WWC2: variants seen among roughly 807,000 people sequenced by gnomAD.
The protein encoded by WWC2 is WW and C2 domain containing 2, also known as protein WWC2.
In WWC2, 101 loss-of-function variants were observed where a neutral mutation model predicts 138.5. That is an observed-to-expected ratio of 0.73 (90% CI 0.62 to 0.86). The LOEUF (loss-of-function observed/expected upper bound fraction) is 0.86, where lower values mean the gene tolerates loss of function less well. Ranked by LOEUF, WWC2 falls within the 40% of genes least tolerant of loss-of-function variation. WWC2 has a pLI of 0.00. For missense variants in WWC2, 1,420 were observed against 1,419.4 expected, an observed-to-expected ratio of 1.00 and a Z score of -0.01; for synonymous variants, 558 against 538.4, an observed-to-expected ratio of 1.04 and a Z score of -0.50.
At chr4:183,168,097 C>T (rs1734174167) in intron 1 of WWC2, among the ~76,000 whole-genome samples, 1 of 151,834 alleles carries the variant, frequency 6.6e-6, no homozygotes, top group African/African-American at 2.4e-5. Context: ...ACCTCGTGAT[C>T]TGTCCACCTT....
At chr4:183,305,710 A>G (rs1427753544) in intron 21 of WWC2, among the ~76,000 whole-genome samples, 2 of 152,134 alleles carry the variant, frequency 1.3e-5, no homozygotes, top group Admixed American at 6.5e-5. Context: ...TTTTCAGACA[A>G]ACAAAAATTA....
At chr4:183,254,087 A>T in intron 9 of WWC2, 88 bp downstream of exon 9, 1 of 1,518,256 alleles carries the variant, frequency 6.6e-7, no homozygotes, top group South Asian at 1.4e-5. Context: ...GGAAATCTCA[A>T]TTGCATCTGT....
intron 1 of WWC2, among the ~76,000 whole-genome samples, chr4:183,105,489 A>G (rs1743321643): frequency 6.6e-6 from 1 of 152,228 alleles, no homozygotes; most frequent in Non-Finnish European, 1.5e-5. Context: ...AGCAGGAAAC[A>G]GTGTTAGCCC....
chr4:183,173,436 T>A (rs1734351257), intron 1 of WWC2, among the ~76,000 whole-genome samples: 1 of 152,114 alleles, frequency 6.6e-6, no homozygotes, highest in Non-Finnish European at 1.5e-5. Context: ...AAGAAATGAA[T>A]TCTTCAGTTT....
intron 1 of WWC2, among the ~76,000 whole-genome samples, chr4:183,147,264 A>G (rs1274070828): frequency 2.0e-5 from 3 of 152,256 alleles, no homozygotes; most frequent in Non-Finnish European, 4.4e-5. Context: ...CACAGACATA[A>G]AAGTCATACT....
Position 183,245,420 on chromosome 4 carries a change from G to C in WWC2, c.607G>C (p.Asp203His). Residue 203 changes from aspartate (D) to histidine (H), a missense_variant, in exon 6 of 23, where the codon GAT becomes CAT. Coordinates refer to ENST00000403733, the MANE Select transcript of WWC2 (RefSeq NM_024949.6). ...TTTCTTTTTCTCTTTTCACAGAATTGATAAAAAAATGTCTGGAGGCCAGAG... is the reference window on the plus strand; with the variant it reads ...TTTCTTTTTCTCTTTTCACAGAATTCATAAAAAAATGTCTGGAGGCCAGAG... ...EQGFETLQQI[D>H]KKMSGGQSGY... is the part of the protein sequence containing the mutation. 2 of 1,548,332 alleles carry C rather than the reference G, an allele frequency of 1.3e-6. No homozygotes were observed. The highest frequency in any genetic ancestry group is 1.7e-4 in the Middle Eastern group (1 of 5,772).
At chr4:183,140,459 A>AT (rs1344042527) in intron 1 of WWC2, among the ~76,000 whole-genome samples, 1 of 152,102 alleles carries the variant, frequency 6.6e-6, no homozygotes, top group Non-Finnish European at 1.5e-5. Flanking sequence ...CATACACAAG[A>AT]TTTGAGACCA....
At chr4:183,246,062 G>T (rs925320154) in intron 6 of WWC2, among the ~76,000 whole-genome samples, 4 of 152,276 alleles carry the variant, frequency 2.6e-5, no homozygotes, top group African/African-American at 9.6e-5. Flanking sequence ...TGCCTATACA[G>T]TTACCCTAGC....
At chr4:183,151,483 G>A (rs1441918629) in intron 1 of WWC2, among the ~76,000 whole-genome samples, 1 of 152,180 alleles carries the variant, frequency 6.6e-6, no homozygotes, top group African/African-American at 2.4e-5. Context: ...CTCCCATTCT[G>A]TAGGTTGCCT....
At chr4:183,257,990 G>A (rs374399525) in intron 9 of WWC2, among the ~76,000 whole-genome samples, 10 of 152,210 alleles carry the variant, frequency 6.6e-5, no homozygotes, top group Admixed American at 2.6e-4. Context: ...GCATCACCTG[G>A]AGAAGGCTGA....
At chr4:183,311,393 C>T (rs929067133) in intron 21 of WWC2, among the ~76,000 whole-genome samples, 3 of 152,092 alleles carry the variant, frequency 2.0e-5, no homozygotes, top group Admixed American at 2.0e-4. Flanking sequence ...AAGCCACACC[C>T]TAAAGAGTCT....
intron 4 of WWC2, among the ~76,000 whole-genome samples, chr4:183,218,315 T>C (rs1036860934): frequency 1.3e-5 from 2 of 151,608 alleles, no homozygotes; most frequent in Admixed American, 6.6e-5. Context: ...CAAGGAGATA[T>C]CACTTCACAC....
At chr4:183,154,913 G>T (rs1465224895) in intron 1 of WWC2, among the ~76,000 whole-genome samples, 2 of 152,156 alleles carry the variant, frequency 1.3e-5, no homozygotes, top group African/African-American at 2.4e-5. Context: ...ATCCTTCAGT[G>T]CTGGTTTTGC....
At chr4:183,103,817 G>A (rs1743264425) in intron 1 of WWC2, among the ~76,000 whole-genome samples, 1 of 145,756 alleles carries the variant, frequency 6.9e-6, no homozygotes, top group South Asian at 2.2e-4. Flanking sequence ...TGTATTTTTG[G>A]TAGAGATGGG....
At chr4:183,185,790 C>T (rs1560831689) in intron 1 of WWC2, among the ~76,000 whole-genome samples, 1 of 152,036 alleles carries the variant, frequency 6.6e-6, no homozygotes, top group East Asian at 1.9e-4. Flanking sequence ...TTTCTCTGCC[C>T]AGGCTATTCA....
At position 183,227,327 on chromosome 4, in the gene WWC2, C is replaced by A. The variant is rs143366678; in HGVS notation, c.523-12856C>A. Among the ~76,000 whole-genome samples, 187 of 152,136 alleles carry A rather than the reference C, an allele frequency of 1.2e-3. 1 individual carries two copies. The highest frequency in any genetic ancestry group is 4.2e-3 in the African/African-American group (176 of 41,416). The stretch of plus-strand genomic sequence containing the variant: ...GAAGCAGTGACAGATGGTTGTGCCT[C>A]CAGTCACTTGCAGATGCACGTCTTC... On this transcript the variant is annotated intron_variant, in intron 4 of 22. Transcript: ENST00000403733.
chr4:183,207,904 G>T (rs78173565), intron 2 of WWC2, 49 bp from the exon 3 acceptor site: 3 of 1,504,654 alleles, frequency 2.0e-6, no homozygotes, highest in Non-Finnish European at 2.7e-6. Flanking sequence ...TAAACAAGCC[G>T]GAAAACAAAG....
intron 16 of WWC2, among the ~76,000 whole-genome samples, chr4:183,276,206 A>G (rs769131706): frequency 2.6e-5 from 4 of 152,018 alleles, no homozygotes; most frequent in Non-Finnish European, 4.4e-5. Context: ...TTTCTGAGAT[A>G]TTATATTTAA....
At chr4:183,314,481 G>A (rs749536006) in intron 22 of WWC2, among the ~76,000 whole-genome samples, 2 of 152,218 alleles carry the variant, frequency 1.3e-5, no homozygotes, top group Non-Finnish European at 2.9e-5. Context: ...GGAAGCGTGG[G>A]ATTTGCACGG....
Sources: allele counts gnomAD v4.1 joint callset (sites outside exome capture counted in the v4.1 genomes callset), GRCh38; gene constraint gnomAD v4.1.1; transcripts MANE v1.5; gene names NCBI Gene and HGNC (gene_info 2026-07-23, HGNC 2026-07-21).